Variants in UNC13B observed in about 807,000 individuals in gnomAD.
UNC13B encodes protein unc-13 homolog B.
Under a neutral mutation model 211.0 loss-of-function variants are expected in UNC13B, and 144 were observed. The ratio of observed to expected loss-of-function variants is 0.68; its 90% CI spans 0.60 to 0.78. UNC13B has a LOEUF of 0.78. Ranked by LOEUF, UNC13B falls within the 30% of genes least tolerant of loss-of-function variation. UNC13B has a pLI of 0.00. For missense variants in UNC13B, 1,777 were observed against 2,002.0 expected, an observed-to-expected ratio of 0.89 and a Z score of 2.14; for synonymous variants, 709 against 725.8, an observed-to-expected ratio of 0.98 and a Z score of 0.37.
chr9:35,320,771 C>G (rs988841267), intron 11 of UNC13B, among the ~76,000 whole-genome samples: 2 of 152,044 alleles, frequency 1.3e-5, no homozygotes, highest in Non-Finnish European at 2.9e-5. Flanking sequence ...CTGTGTACTT[C>G]TTGTAAGATC....
chr9:35,237,625 C>T lies in UNC13B; in HGVS notation c.271-78C>T, dbSNP rs1025653835. On this transcript the variant is annotated intron_variant, in intron 4 of 39. Coordinates refer to ENST00000635942, the MANE Select transcript of UNC13B (RefSeq NM_001371189.2). ...CCTCAGAAGCTCAAACAAGGAACTT[C>T]AGAGAAAAAAACCTGACTCTTGAAC... 66 of 1,573,644 alleles carry T rather than the reference C, an allele frequency of 4.2e-5. No homozygotes were observed. In the African/African-American group the frequency reaches 6.0e-4, roughly 14 times the overall value.
intron 24 of UNC13B, 31 bp from the exon 25 acceptor site, chr9:35,389,815 C>T (rs768672672): frequency 6.2e-7 from 1 of 1,609,032 alleles, no homozygotes. Flanking sequence ...GACTCTTTCT[C>T]CCTCTCTCTC....
intron 11 of UNC13B, among the ~76,000 whole-genome samples, chr9:35,354,852 T>G (rs945944429): frequency 5.9e-5 from 9 of 152,138 alleles, no homozygotes; most frequent in Non-Finnish European, 1.2e-4. Context: ...TTTATCAAAA[T>G]TACAAATATA....
At chr9:35,216,595 C>G (rs779612970) in intron 1 of UNC13B, among the ~76,000 whole-genome samples, 1 of 152,160 alleles carries the variant, frequency 6.6e-6, no homozygotes, top group Non-Finnish European at 1.5e-5. Context: ...AATAACCACG[C>G]TACTCTAGCC....
At chr9:35,386,127 C>CAGGT in intron 23 of UNC13B, 38 bp from the exon 24 acceptor site, 1 of 1,612,858 alleles carries the variant, frequency 6.2e-7, no homozygotes, top group Non-Finnish European at 8.5e-7. Context: ...CCCAGGTGAG[C>CAGGT]AGGTCCTTGG....
At position 35,303,214 on chromosome 9, in the gene UNC13B, T is replaced by C; in HGVS notation, c.3810T>C (p.Tyr1270=). The change falls in exon 9 of 40, where the codon TAT becomes TAC. Residue 1270 remains tyrosine (Y), a synonymous_variant. Coordinates refer to ENST00000635942, the MANE Select transcript of UNC13B (RefSeq NM_001371189.2). ...PLSDAGDDNH[Y]CSPTEKNQQS... is the part of the protein sequence containing the mutation. ...CTGATGCTGGGGATGATAATCATTA[T>C]TGTTCCCCTACAGAGAAAAACCAGC... is the stretch of plus-strand genomic sequence containing the variant. The C allele has an allele frequency of 2.5e-6, 1 of 398,698 alleles. No individual in the cohort carries two copies. The highest frequency in any genetic ancestry group is 4.4e-6 in the Non-Finnish European group (1 of 225,830). 24.7% of individuals were successfully genotyped at this position (398,698 alleles called of 1,614,324 possible).
At chr9:35,226,539 AG>A (rs1824852438) in intron 1 of UNC13B, among the ~76,000 whole-genome samples, 1 of 152,218 alleles carries the variant, frequency 6.6e-6, no homozygotes, top group Non-Finnish European at 1.5e-5. Flanking sequence ...CCTCAGAAGT[AG>A]GGAAGCCGAC....
At chr9:35,252,227 T>G (rs1188653233) in intron 6 of UNC13B, among the ~76,000 whole-genome samples, 2 of 152,236 alleles carry the variant, frequency 1.3e-5, no homozygotes, top group African/African-American at 4.8e-5. Context: ...GTCAGCCCAT[T>G]TCATTCATTA....
intron 5 of UNC13B, among the ~76,000 whole-genome samples, chr9:35,238,628 T>C (rs2131539179): frequency 6.6e-6 from 1 of 152,030 alleles, no homozygotes; most frequent in Non-Finnish European, 1.5e-5. Flanking sequence ...TGATCTTGGC[T>C]CACTGCAACC....
intron 1 of UNC13B, among the ~76,000 whole-genome samples, chr9:35,214,882 T>C (rs1425012916): frequency 6.6e-6 from 1 of 152,204 alleles, no homozygotes; most frequent in Non-Finnish European, 1.5e-5. Flanking sequence ...CAGACAAAAA[T>C]GTGAGAATGT....
intron 7 of UNC13B, among the ~76,000 whole-genome samples, chr9:35,285,088 A>G (rs551831752): frequency 6.6e-6 from 1 of 152,312 alleles, no homozygotes; most frequent in South Asian, 2.1e-4. Context: ...GGATGGGGAT[A>G]AGTGCAGAGG....
chr9:35,329,182 G>T (rs1442556989), intron 11 of UNC13B, among the ~76,000 whole-genome samples: 1 of 152,056 alleles, frequency 6.6e-6, no homozygotes, highest in Non-Finnish European at 1.5e-5. Flanking sequence ...CCACCCCAAA[G>T]TTCATAATGT....
chr9:35,352,913 G>T (rs1587680909), intron 11 of UNC13B: 4 of 1,232,154 alleles, frequency 3.2e-6, no homozygotes, highest in Non-Finnish European at 4.0e-6. Context: ...ACCAGAAAAT[G>T]ACTGCCACGA....
intron 11 of UNC13B, among the ~76,000 whole-genome samples, chr9:35,322,569 C>A (rs1830792109): frequency 6.6e-6 from 1 of 152,134 alleles, no homozygotes; most frequent in Admixed American, 6.5e-5. Context: ...GGTAGATCAG[C>A]ATTTTCTTAG....
At chr9:35,208,967 A>G (rs1263511113) in intron 1 of UNC13B, among the ~76,000 whole-genome samples, 1 of 152,180 alleles carries the variant, frequency 6.6e-6, no homozygotes, top group Non-Finnish European at 1.5e-5. Context: ...GCAATTAATA[A>G]AAGTGTCCTG....
intron 7 of UNC13B, among the ~76,000 whole-genome samples, chr9:35,289,523 C>A (rs1289684583): frequency 6.6e-6 from 1 of 152,174 alleles, no homozygotes; most frequent in Admixed American, 6.5e-5. Context: ...CTGTGCCTAG[C>A]ATTTTACATA....
chr9:35,197,898 T>C (rs1823034623), intron 1 of UNC13B, among the ~76,000 whole-genome samples: 1 of 152,162 alleles, frequency 6.6e-6, no homozygotes, highest in African/African-American at 2.4e-5. Flanking sequence ...GAAACCTCTT[T>C]TTTAAATAAA....
chr9:35,199,581 C>T (rs1287589269), intron 1 of UNC13B, among the ~76,000 whole-genome samples: 2 of 152,166 alleles, frequency 1.3e-5, no homozygotes, highest in Non-Finnish European at 2.9e-5. Flanking sequence ...ATTTGCATTT[C>T]TCTGATGGCC....
chr9:35,348,493 A>G (rs992773132), intron 11 of UNC13B, among the ~76,000 whole-genome samples: 3 of 152,206 alleles, frequency 2.0e-5, no homozygotes, highest in African/African-American at 7.2e-5. Flanking sequence ...TCCTCGTAGG[A>G]TTCCAGGCAC....
Sources: gnomAD v4.1 joint callset for allele counts (sites outside exome capture counted in the v4.1 genomes callset) on GRCh38, gnomAD v4.1.1 for gene constraint, MANE v1.5 for transcripts, NCBI Gene and HGNC (gene_info 2026-07-23, HGNC 2026-07-21) for gene names.